The following RBFOX1 variants were observed in gnomAD, a reference collection of about 807,000 sequenced individuals.
RBFOX1 encodes the protein RNA binding protein fox-1 homolog 1.
A neutral mutation model predicts 57.7 loss-of-function variants in RBFOX1; 8 were observed. The observed-to-expected ratio is 0.14, with a 90% CI of 0.08 to 0.25. RBFOX1 has a LOEUF of 0.25. Among genes scored for constraint, RBFOX1 ranks in the 10% least tolerant of loss-of-function variants. The pLI, the probability that RBFOX1 is intolerant of heterozygous loss-of-function variation, is 1.00. For missense variants in RBFOX1, 611 were observed against 548.5 expected, an observed-to-expected ratio of 1.11 and a Z score of -1.14; for synonymous variants, 326 against 222.4, an observed-to-expected ratio of 1.47 and a Z score of -4.15.
chr16:6,120,981 A>G (rs2096544643), intron 1 of RBFOX1, among the ~76,000 whole-genome samples: 1 of 152,218 alleles, frequency 6.6e-6, no homozygotes, highest in African/African-American at 2.4e-5. Flanking sequence ...ATTATTTCCT[A>G]GAGTTTTCAC....
intron 4 of RBFOX1, among the ~76,000 whole-genome samples, chr16:7,501,973 C>A (rs2071048742): frequency 6.6e-6 from 1 of 152,198 alleles, no homozygotes; most frequent in South Asian, 2.1e-4. Context: ...ATACCTAACT[C>A]CTGAAACAAT....
intron 3 of RBFOX1, among the ~76,000 whole-genome samples, chr16:6,710,722 G>A (rs1603450141): frequency 6.6e-6 from 1 of 152,238 alleles, no homozygotes; most frequent in African/African-American, 2.4e-5. Flanking sequence ...CTTGCCCTCG[G>A]GTGGCCCATT....
chr16:5,446,643 T>C (rs1567522517), intron 1 of RBFOX1, among the ~76,000 whole-genome samples: 1 of 152,036 alleles, frequency 6.6e-6, no homozygotes. Context: ...CTCTGGCAGG[T>C]AGATGGGGGT....
chr16:5,517,181 C>T (rs989536994), intron 2 of RBFOX1, among the ~76,000 whole-genome samples: 1 of 152,108 alleles, frequency 6.6e-6, no homozygotes, highest in Non-Finnish European at 1.5e-5. Context: ...TAGGCTAGCT[C>T]AAGTCAAAGG....
intron 1 of RBFOX1, among the ~76,000 whole-genome samples, chr16:5,437,709 AT>A (rs2067959126): frequency 6.6e-6 from 1 of 152,240 alleles, no homozygotes; most frequent in Non-Finnish European, 1.5e-5. Flanking sequence ...CTACAAAAAA[AT>A]ATCAGAAGAA....
chr16:6,201,615 T>A (rs2097215873), intron 1 of RBFOX1, among the ~76,000 whole-genome samples: 1 of 152,150 alleles, frequency 6.6e-6, no homozygotes, highest in Admixed American at 6.5e-5. Context: ...CATAATAGGG[T>A]GAGTATAGTT....
At chr16:5,937,844 T>C (rs1342188104) in intron 4 of RBFOX1, among the ~76,000 whole-genome samples, 1 of 151,000 alleles carries the variant, frequency 6.6e-6, no homozygotes, top group Non-Finnish European at 1.5e-5. Context: ...TACATATATA[T>C]GGTTATATGT....
At chr16:7,534,386 C>T (rs2080976922) in intron 5 of RBFOX1, among the ~76,000 whole-genome samples, 1 of 152,034 alleles carries the variant, frequency 6.6e-6, no homozygotes, top group Admixed American at 6.6e-5. Context: ...AACCACAGTG[C>T]ACGGCCACCA....
At chr16:6,646,536 C>T (rs1173385587) in intron 2 of RBFOX1, among the ~76,000 whole-genome samples, 3 of 151,944 alleles carry the variant, frequency 2.0e-5, no homozygotes, top group Non-Finnish European at 4.4e-5. Flanking sequence ...TTCGTTAGTT[C>T]GTTGATTAAC....
intron 11 of RBFOX1, among the ~76,000 whole-genome samples, chr16:7,643,506 C>G (rs375281811): frequency 2.6e-5 from 4 of 152,184 alleles, no homozygotes; most frequent in African/African-American, 9.6e-5. Context: ...TCATTCCAGT[C>G]TTCCAAATTA....
At position 7,443,610 on chromosome 16, in the gene RBFOX1, G is replaced by A. The variant is rs556485478; in HGVS notation, c.28-74537G>A. On this transcript the variant is annotated intron_variant, in intron 4 of 15. Coordinates refer to ENST00000550418, the MANE Select transcript of RBFOX1 (RefSeq NM_018723.4). ...TAATTTTTAAGCCATTTCATTAATA[G>A]AGTTCAATGTAATAATGTAAAAAAG... Among the ~76,000 whole-genome samples, 7 of 152,164 alleles carry A rather than the reference G, an allele frequency of 4.6e-5. 1 individual carries two copies. The highest frequency in any genetic ancestry group is 4.6e-4 in the Admixed American group (7 of 15,276).
chr16:7,003,209 C>T (rs750232412), intron 3 of RBFOX1, among the ~76,000 whole-genome samples: 2 of 151,920 alleles, frequency 1.3e-5, no homozygotes, highest in African/African-American at 2.4e-5. Flanking sequence ...GCCTGTAATC[C>T]CAGCACTTTG....
chr16:6,944,163 G>T (rs993066435), intron 3 of RBFOX1, among the ~76,000 whole-genome samples: 1 of 151,978 alleles, frequency 6.6e-6, no homozygotes, highest in African/African-American at 2.4e-5. Flanking sequence ...TTGGGAGGCT[G>T]AGGTGGGTGG....
At chr16:6,950,607 T>C (rs1382922989) in intron 3 of RBFOX1, among the ~76,000 whole-genome samples, 4 of 152,186 alleles carry the variant, frequency 2.6e-5, no homozygotes, top group Admixed American at 2.0e-4. Context: ...ACAATATATA[T>C]GCAGGTGCTG....
At chr16:6,169,478 A>G (rs1222330698) in intron 1 of RBFOX1, among the ~76,000 whole-genome samples, 5 of 152,152 alleles carry the variant, frequency 3.3e-5, no homozygotes. Context: ...AATTTAAAGG[A>G]GTTAATTGAA....
intron 3 of RBFOX1, among the ~76,000 whole-genome samples, chr16:5,819,052 G>A (rs2055750781): frequency 6.6e-6 from 1 of 151,918 alleles, no homozygotes; most frequent in African/African-American, 2.4e-5. Context: ...CCATCCACAG[G>A]TCTGTTCTCC....
chr16:5,398,143 C>T (rs907232966), intron 1 of RBFOX1, among the ~76,000 whole-genome samples: 1 of 152,154 alleles, frequency 6.6e-6, no homozygotes, highest in South Asian at 2.1e-4. Context: ...TGAGGGGACA[C>T]CTAAGCTGAC....
At chr16:6,081,412 G>T (rs965162907) in intron 1 of RBFOX1, among the ~76,000 whole-genome samples, 1 of 152,116 alleles carries the variant, frequency 6.6e-6, no homozygotes, top group Admixed American at 6.5e-5. Flanking sequence ...ATGTGAATTT[G>T]CCTACACATT....
At chr16:5,656,335 AT>A (rs2049429980) in intron 3 of RBFOX1, among the ~76,000 whole-genome samples, 1 of 152,198 alleles carries the variant, frequency 6.6e-6, no homozygotes, top group African/African-American at 2.4e-5. Flanking sequence ...TAAAATCGTT[AT>A]TTTTGTTGTT....
Sources: allele counts gnomAD v4.1 joint callset (sites outside exome capture counted in the v4.1 genomes callset), GRCh38; gene constraint gnomAD v4.1.1; transcripts MANE v1.5; gene names NCBI Gene and HGNC (gene_info 2026-07-23, HGNC 2026-07-21).